The following MON2 variants were observed in gnomAD, a reference collection of about 807,000 sequenced individuals.
MON2 encodes protein MON2 homolog.
MON2 carries 84 observed loss-of-function variants against 208.6 expected under a neutral mutation model. That is an observed-to-expected ratio of 0.40 (90% CI 0.34 to 0.48). The LOEUF (loss-of-function observed/expected upper bound fraction) is 0.48, where lower values mean the gene tolerates loss of function less well. MON2 is among the 20% of genes least tolerant of loss of function. The pLI is 0.59. For synonymous variants in MON2, 660 were observed against 694.0 expected, an observed-to-expected ratio of 0.95 and a Z score of 0.77; for missense variants, 1,611 against 2,015.4, an observed-to-expected ratio of 0.80 and a Z score of 3.84.
chr12:62,571,180 A>G (rs1311693896), intron 29 of MON2, among the ~76,000 whole-genome samples: 1 of 152,190 alleles, frequency 6.6e-6, no homozygotes, highest in Non-Finnish European at 1.5e-5. Context: ...TAAGATAGAG[A>G]TAGGATTTAA....
intron 1 of MON2, among the ~76,000 whole-genome samples, chr12:62,472,433 C>T (rs1301819415): frequency 6.6e-6 from 1 of 152,150 alleles, no homozygotes; most frequent in African/African-American, 2.4e-5. Context: ...TTAAATGATG[C>T]AGAATCAGTA....
intron 25 of MON2, among the ~76,000 whole-genome samples, chr12:62,557,476 T>C (rs2074011811): frequency 6.6e-6 from 1 of 152,218 alleles, no homozygotes; most frequent in South Asian, 2.1e-4. Context: ...GAAATGTCAA[T>C]GGACTAAGAC....
At chr12:62,563,712 A>G (rs1330683875) in intron 26 of MON2, among the ~76,000 whole-genome samples, 2 of 152,152 alleles carry the variant, frequency 1.3e-5, no homozygotes, top group African/African-American at 4.8e-5. Flanking sequence ...TAACACTATT[A>G]GTATGTTTTC....
In MON2 at chr12:62,565,069, TTC is replaced by T. The variant is rs1298005966; in HGVS notation, c.4033-166_4033-165del. The T allele has an allele frequency of 5.0e-6, 3 of 602,840 alleles. No individual in the cohort carries two copies. In the African/African-American group the frequency reaches 5.7e-5, roughly 12 times the overall value. 37.3% of individuals were successfully genotyped at this position (602,840 alleles called of 1,614,324 possible). A position where few individuals can be genotyped will look rare whatever the true frequency, so the allele number is the denominator to read the frequency against. On this transcript the variant is annotated intron_variant, in intron 26 of 34. Transcript: ENST00000393630. The stretch of plus-strand genomic sequence containing the variant: ...ATTAACAGTTTCAGCCTATACTTTA[TTC>T]TATAACAGTTTAAAATAGTTTGTGT...
intron 12 of MON2, among the ~76,000 whole-genome samples, chr12:62,534,542 A>ATAT (rs1306662466): frequency 8.8e-5 from 2 of 22,850 alleles, no homozygotes; most frequent in African/African-American, 3.9e-4. Context: ...AAAAAAAAAA[A>ATAT]ATATATATAT....
At chr12:62,586,254 A>G (rs2075217355) in intron 33 of MON2, among the ~76,000 whole-genome samples, 1 of 152,240 alleles carries the variant, frequency 6.6e-6, no homozygotes, top group Non-Finnish European at 1.5e-5. Context: ...TTCCCGTCTC[A>G]TAAGGTAGGA....
At chr12:62,479,061 A>G (rs997151956) in intron 1 of MON2, among the ~76,000 whole-genome samples, 30 of 152,230 alleles carry the variant, frequency 2.0e-4, no homozygotes, top group African/African-American at 7.0e-4. Context: ...GAAGGAAATG[A>G]TAACATCTAT....
At chr12:62,516,737 G>A (rs1249809151) in intron 8 of MON2, among the ~76,000 whole-genome samples, 1 of 152,030 alleles carries the variant, frequency 6.6e-6, no homozygotes, top group Non-Finnish European at 1.5e-5. Flanking sequence ...AGTATAATTG[G>A]AATGTTTTAG....
In MON2 at chr12:62,501,588, G is replaced by T. The variant is rs1248422089; in HGVS notation, c.679G>T (p.Val227Phe). Residue 227 changes from valine (V) to phenylalanine (F), a missense_variant, in exon 7 of 35, where the codon GTT becomes TTT. Coordinates refer to ENST00000393630, the MANE Select transcript of MON2 (RefSeq NM_015026.3). ...YMLFQDLCQLVNADAPYWLVG... is the reference protein window; with the variant it reads ...YMLFQDLCQLFNADAPYWLVG... ...ATTTTCCCAGGATCTTTGTCAGTTG[G>T]TTAATGCTGATGCTCCTTATTGGCT... 8 of 1,614,024 alleles carry T rather than the reference G, an allele frequency of 5.0e-6. No individual in the cohort carries two copies. The highest frequency in any genetic ancestry group is 6.8e-6 in the Non-Finnish European group (8 of 1,179,926).
At chr12:62,584,311 G>A (rs1055559530) in intron 32 of MON2, among the ~76,000 whole-genome samples, 14 of 152,010 alleles carry the variant, frequency 9.2e-5, no homozygotes, top group African/African-American at 2.7e-4. Context: ...TGACATTTTC[G>A]GAGGTACATG....
chr12:62,538,671 G>T (rs2073094078), intron 19 of MON2, among the ~76,000 whole-genome samples, 166 bp downstream of exon 19: 1 of 152,032 alleles, frequency 6.6e-6, no homozygotes, highest in Non-Finnish European at 1.5e-5. Context: ...GGAGTAAAAA[G>T]GACATGATTT....
At chr12:62,535,069 C>A (rs1196053122) in intron 13 of MON2, 143 bp downstream of exon 13, 15 of 620,278 alleles carry the variant, frequency 2.4e-5, no homozygotes, top group Non-Finnish European at 4.1e-5. Flanking sequence ...TCCCTCATCC[C>A]CCTTCCTCAT....
In MON2 at chr12:62,469,160, T is replaced by G. The variant is rs565009787; in HGVS notation, c.111+1842T>G. On this transcript the variant is annotated intron_variant, in intron 1 of 34. Coordinates refer to ENST00000393630, the MANE Select transcript of MON2 (RefSeq NM_015026.3). ...TAGAGACGGGGTTTTGGCAGGCTGGTCTCCTGAACTGGGTTCAAGCGATCT... is the reference window on the plus strand; with the variant it reads ...TAGAGACGGGGTTTTGGCAGGCTGGGCTCCTGAACTGGGTTCAAGCGATCT... 3.2e-4 allele frequency among the ~76,000 whole-genome samples: 47 copies of G among 148,816 alleles called. 1 individual carries two copies. In the South Asian group the frequency reaches 3.4e-3, roughly 11 times the overall value.
intron 8 of MON2, among the ~76,000 whole-genome samples, chr12:62,519,186 G>A (rs1221151016): frequency 6.6e-6 from 1 of 152,172 alleles, no homozygotes; most frequent in African/African-American, 2.4e-5. Context: ...GTCACAGAAT[G>A]TTCCAGAGCA....
chr12:62,492,767 T>G (rs1592857484), intron 2 of MON2, among the ~76,000 whole-genome samples: 1 of 143,432 alleles, frequency 7.0e-6, no homozygotes, highest in Non-Finnish European at 1.5e-5. Context: ...GATCACGAGG[T>G]CAGGAGATCG....
At chr12:62,583,596 C>A (rs889679054) in intron 32 of MON2, among the ~76,000 whole-genome samples, 3 of 151,558 alleles carry the variant, frequency 2.0e-5, no homozygotes, top group Admixed American at 1.3e-4. Context: ...TATCAGAATA[C>A]CTGGGATAAA....
chr12:62,525,290 A>G (rs923218086), intron 10 of MON2, 70 bp downstream of exon 10: 3 of 1,506,368 alleles, frequency 2.0e-6, no homozygotes, highest in Admixed American at 1.9e-5. Context: ...TTCTGAGAGG[A>G]TATTATGAAA....
intron 12 of MON2, 44 bp downstream of exon 12, chr12:62,532,714 T>C: frequency 6.6e-7 from 1 of 1,515,058 alleles, no homozygotes; most frequent in Non-Finnish European, 9.1e-7. Flanking sequence ...TAATTTGAAA[T>C]TTACAATTTG....
intron 8 of MON2, among the ~76,000 whole-genome samples, chr12:62,520,338 AC>A (rs2071957190): frequency 6.6e-6 from 1 of 152,188 alleles, no homozygotes; most frequent in African/African-American, 2.4e-5. Context: ...TAGGGTAGAT[AC>A]AAGTTTTTTT....
Sources: allele counts gnomAD v4.1 joint callset (sites outside exome capture counted in the v4.1 genomes callset), GRCh38; gene constraint gnomAD v4.1.1; transcripts MANE v1.5; gene names NCBI Gene and HGNC (gene_info 2026-07-23, HGNC 2026-07-21).